The following ACSL4 variants were observed in gnomAD, a reference collection of about 807,000 sequenced individuals.
The protein encoded by ACSL4 is long-chain-fatty-acid--CoA ligase 4.
Under a neutral mutation model 49.1 loss-of-function variants are expected in ACSL4, and 9 were observed. That is an observed-to-expected ratio of 0.18 (90% CI 0.11 to 0.32). The LOEUF is 0.32. Ranked by LOEUF, ACSL4 falls within the 10% of genes least tolerant of loss-of-function variation. The probability of loss-of-function intolerance (pLI) is 1.00; values close to 1 mark genes in which losing one functional copy is unlikely to be tolerated. For missense variants in ACSL4, 333 were observed against 493.7 expected, an observed-to-expected ratio of 0.67 and a Z score of 3.08; for synonymous variants, 191 against 170.3, an observed-to-expected ratio of 1.12 and a Z score of -0.95.
In ACSL4 at chrX:109,663,409, A is replaced by G. The variant is rs192665139; in HGVS notation, c.1391-7T>C. The G allele has an allele frequency of 6.6e-4, 786 of 1,195,951 alleles. 3 individuals carry two copies. The African/African-American group carries it at 0.012, about 18-fold the overall frequency. ...TCATTAATTGTATAACCGCCTGGAAATCATAAAAGTAAATTAGTTATTGTT... is the reference window on the plus strand; with the variant it reads ...TCATTAATTGTATAACCGCCTGGAAGTCATAAAAGTAAATTAGTTATTGTT... On this transcript the variant is annotated splice_region_variant and splice_polypyrimidine_tract_variant and intron_variant, in intron 12 of 15. Coordinates refer to ENST00000672401, the MANE Select transcript of ACSL4 (RefSeq NM_001318510.2).
At position 109,683,754 on chromosome X, in the gene ACSL4, G is replaced by C. The variant is rs139351870; in HGVS notation, c.-12-379C>G. Reference sequence around the variant, plus strand: ...AAAAACAAAAGAATATTAACAAGTTGATAGCACAATTGATTTAAATACTCA... The same window carrying C: ...AAAAACAAAAGAATATTAACAAGTTCATAGCACAATTGATTTAAATACTCA... On this transcript the variant is annotated intron_variant, in intron 2 of 15. Transcript: ENST00000672401. 439 of 299,860 alleles carry C rather than the reference G, an allele frequency of 1.5e-3. 1 individual carries two copies. The highest frequency in any genetic ancestry group is 9.0e-3 in the African/African-American group (337 of 37,284). The allele number at this position is 299,860 out of a possible 1,213,427, so 24.7% of individuals were successfully genotyped here.
At position 109,659,504 on chromosome X, in the gene ACSL4, A is replaced by G; in HGVS notation, c.1705T>C (p.Ser569Pro). Residue 569 changes from serine to proline, a missense_variant, in exon 15 of 16, where the codon TCC becomes CCC. Around this residue, in one of 3 missense-constraint regions of ACSL4, gnomAD observed 175 missense variants for 275.8 expected, o/e 0.63. Transcript: ENST00000672401. ...NICAFAKSDQ[S>P]YVISFVVPNQ... ...GGAACCACAAAACTGATCACATAGG[A>G]CTGATCACTAAAAAAACAGAAAATA... 1 of 1,188,928 alleles carries G rather than the reference A, an allele frequency of 8.4e-7. No individual in the cohort carries two copies. The highest frequency in any genetic ancestry group is 1.1e-6 in the Non-Finnish European group (1 of 876,440).
chrX:109,717,452 C>T (rs1056764101), intron 1 of ACSL4, among the ~76,000 whole-genome samples: 5 of 110,464 alleles, frequency 4.5e-5, no homozygotes, highest in Non-Finnish European at 9.5e-5. Context: ...GCCCAGATAG[C>T]GCCATTGCAC....
chrX:109,668,432 C>T (rs1042847775), intron 10 of ACSL4, among the ~76,000 whole-genome samples, 159 bp from the exon 11 acceptor site: 1 of 111,577 alleles, frequency 9.0e-6, no homozygotes, highest in African/African-American at 3.3e-5. Flanking sequence ...ACTAGTAACG[C>T]CTTGTAAAAA....
intron 15 of ACSL4, among the ~76,000 whole-genome samples, chrX:109,656,741 C>T (rs765808779): frequency 1.9e-5 from 2 of 107,990 alleles, no homozygotes; most frequent in Non-Finnish European, 3.8e-5. Flanking sequence ...AAAACTGAAA[C>T]TTAAAAAAAG....
intron 13 of ACSL4, among the ~76,000 whole-genome samples, chrX:109,662,758 G>A: frequency 9.0e-6 from 1 of 111,310 alleles, no homozygotes; most frequent in Non-Finnish European, 1.9e-5. Flanking sequence ...AAAAATATAT[G>A]TGCCCATGCT....
chrX:109,691,136 C>A lies in ACSL4; in HGVS notation c.-13+5008G>T, dbSNP rs190431955. The stretch of plus-strand genomic sequence containing the variant: ...ACCAAGCAAGGATCCATGCATCTGC[C>A]AAGTTGAAACATACAGTAGTGACAA... On this transcript the variant is annotated intron_variant, in intron 2 of 15. Transcript: ENST00000672401. 6.8e-3 allele frequency among the ~76,000 whole-genome samples: 755 copies of A among 111,834 alleles called. 2 individuals are homozygous for A. Among genetic ancestry groups the A allele is most frequent in the Admixed American group, 0.011 (113 of 10,553 alleles).
At chrX:109,690,759 G>GA (rs1491402311) in intron 2 of ACSL4, among the ~76,000 whole-genome samples, 1 of 80,464 alleles carries the variant, frequency 1.2e-5, no homozygotes, top group Non-Finnish European at 2.5e-5. Context: ...AGACATTTTA[G>GA]GGGGGGGGGG....
intron 1 of ACSL4, among the ~76,000 whole-genome samples, chrX:109,718,767 AAAAG>A (rs1162545063): frequency 1.9e-4 from 20 of 106,224 alleles, no homozygotes; most frequent in African/African-American, 6.0e-4. Flanking sequence ...AAAAAAAAAA[AAAAG>A]AAAGAAAAGA....
chrX:109,698,744 T>A (rs1925643462), intron 1 of ACSL4, among the ~76,000 whole-genome samples: 1 of 111,728 alleles, frequency 9.0e-6, no homozygotes, highest in South Asian at 3.7e-4. Context: ...TCCACGCAGC[T>A]AATAGGAGAG....
In ACSL4 at chrX:109,670,484, C is replaced by G. The variant is rs778011012; in HGVS notation, c.1003-1311G>C. The stretch of plus-strand genomic sequence containing the variant: ...CCTATAATCCCAGCTACTAGGGAGG[C>G]TGAGGCAGGAGAATCGCTTGAACCC... On this transcript the variant is annotated intron_variant, in intron 9 of 15. Coordinates refer to ENST00000672401, the MANE Select transcript of ACSL4 (RefSeq NM_001318510.2). 3.7e-5 allele frequency among the ~76,000 whole-genome samples: 4 copies of G among 107,993 alleles called. No individual in the cohort carries two copies. The East Asian group carries it at 1.2e-3, about 32-fold the overall frequency. The allele number at this position is 107,993 out of a possible 115,157, so 93.8% of individuals were successfully genotyped here.
At chrX:109,680,908 G>T in intron 6 of ACSL4, 90 bp downstream of exon 6, 4 of 954,279 alleles carry the variant, frequency 4.2e-6, no homozygotes, top group Admixed American at 2.6e-5. Flanking sequence ...AAGAACTTTT[G>T]TGGATTTACT....
At chrX:109,687,589 T>C (rs867572025) in intron 2 of ACSL4, among the ~76,000 whole-genome samples, 4 of 111,327 alleles carry the variant, frequency 3.6e-5, no homozygotes, top group African/African-American at 1.3e-4. Context: ...GATGGAGGGC[T>C]AGGGGAGGGA....
At chrX:109,697,722 C>T (rs1268046494) in intron 1 of ACSL4, among the ~76,000 whole-genome samples, 1 of 73,631 alleles carries the variant, frequency 1.4e-5, no homozygotes, top group Admixed American at 1.7e-4. Context: ...GGGGGGGGGG[C>T]GCGGGGAACT....
chrX:109,730,526 G>GC (rs1928346063), intron 1 of ACSL4, among the ~76,000 whole-genome samples: 1 of 111,671 alleles, frequency 9.0e-6, no homozygotes, highest in African/African-American at 3.3e-5. Context: ...CTCTCCACAT[G>GC]CCCCCCAACC....
At chrX:109,662,793 G>T (rs989009154) in intron 13 of ACSL4, among the ~76,000 whole-genome samples, 1 of 111,293 alleles carries the variant, frequency 9.0e-6, no homozygotes, top group African/African-American at 3.3e-5. Flanking sequence ...GAGGTGAAGA[G>T]TGAGGAAGGC....
At chrX:109,700,068 C>A (rs1206248624) in intron 1 of ACSL4, among the ~76,000 whole-genome samples, 1 of 108,099 alleles carries the variant, frequency 9.3e-6, no homozygotes, top group Admixed American at 1.0e-4. Context: ...ATTAGCCAGG[C>A]GTGGTGGTGG....
intron 1 of ACSL4, among the ~76,000 whole-genome samples, chrX:109,707,702 GA>G (rs891930805): frequency 2.8e-5 from 3 of 105,658 alleles, no homozygotes; most frequent in Admixed American, 1.0e-4. Flanking sequence ...ATGGATAACA[GA>G]AAAAAAAAAT....
At position 109,669,157 on chromosome X, in the gene ACSL4, A is replaced by G; in HGVS notation, c.1019T>C (p.Ile340Thr). 8.6e-7 allele frequency: 1 copy of G among 1,164,019 alleles called. No individual in the cohort carries two copies. The highest frequency in any genetic ancestry group is 2.2e-5 in the Admixed American group (1 of 45,722). ...GACTTTGCTCATAACATTCTTATAA[A>G]TTCTATCCATGATTTCCTGAAAGTT... ...MAAVPEIMDR[I>T]YKNVMSKVQE... Residue 340 changes from isoleucine (I) to threonine (T), a missense_variant, in exon 10 of 16, where the codon ATT (isoleucine) becomes ACT (threonine). Ile to Thr is a moderately conservative substitution (Grantham distance 89). This residue lies in a region of ACSL4 where 175 missense variants were observed against 275.8 expected (regional missense o/e 0.63). Transcript: ENST00000672401.
Sources: gnomAD v4.1 joint callset for allele counts (sites outside exome capture counted in the v4.1 genomes callset) on GRCh38, gnomAD v4.1.1 for gene constraint, gnomAD v4.1.1 regional missense constraint, MANE v1.5 for transcripts, NCBI Gene and HGNC (gene_info 2026-07-23, HGNC 2026-07-21) for gene names.